The following NFIB variants were observed in gnomAD, a reference collection of about 807,000 sequenced individuals.
The protein encoded by NFIB is nuclear factor I B, also known as nuclear factor 1 B-type.
NFIB carries 11 observed loss-of-function variants against 61.5 expected under a neutral mutation model. That is an observed-to-expected ratio of 0.18 (90% CI 0.11 to 0.30). The LOEUF is 0.30. Among genes scored for constraint, NFIB ranks in the 10% least tolerant of loss-of-function variants. NFIB has a pLI of 1.00. For missense variants in NFIB, 471 were observed against 608.9 expected (o/e 0.77, Z 2.38); for synonymous variants, 260 against 216.5 (o/e 1.20, Z -1.76).
chr9:14,420,964 GT>G, the NFIB span, among the ~76,000 whole-genome samples: 1 of 144,390 alleles, frequency 6.9e-6, no homozygotes, highest in East Asian at 2.0e-4. Context: ...TTTTTTTTTC[GT>G]TTTTAAACTT....
intron 2 of NFIB, among the ~76,000 whole-genome samples, chr9:14,259,806 G>A (rs1376876926): frequency 1.3e-5 from 2 of 152,176 alleles, no homozygotes; most frequent in Non-Finnish European, 2.9e-5. Context: ...TCAGGAGGCT[G>A]AGGCACGAGA....
chr9:14,356,815 G>C (rs568119980), intron 1 of NFIB, among the ~76,000 whole-genome samples: 1 of 152,170 alleles, frequency 6.6e-6, no homozygotes, highest in African/African-American at 2.4e-5. Flanking sequence ...TTCTAATTTG[G>C]AAGGGAAACT....
At chr9:14,275,534 T>G (rs1038393691) in intron 2 of NFIB, among the ~76,000 whole-genome samples, 2 of 152,142 alleles carry the variant, frequency 1.3e-5, no homozygotes, top group Admixed American at 6.5e-5. Flanking sequence ...AGTCATCCCA[T>G]TCACAAGCAG....
intron 1 of NFIB, among the ~76,000 whole-genome samples, chr9:14,385,770 A>G (rs2133015179): frequency 6.6e-6 from 1 of 151,442 alleles, no homozygotes; most frequent in South Asian, 2.1e-4. Context: ...ATGGGATCAG[A>G]GACACAGTGG....
intron 2 of NFIB, among the ~76,000 whole-genome samples, chr9:14,213,099 G>A (rs16923134): frequency 0.15 from 22,818 of 152,048 alleles, 2,080 homozygotes; most frequent in South Asian, 0.33. Context: ...TTTTGTAAGC[G>A]CTGTTTCTGA....
At chr9:14,492,538 G>C in the NFIB span, among the ~76,000 whole-genome samples, 2 of 151,998 alleles carry the variant, frequency 1.3e-5, no homozygotes, top group East Asian at 3.9e-4. Context: ...AAGGCAAAGG[G>C]GAAGCAGCAC....
At chr9:14,132,860 C>T (rs1024635704) in intron 6 of NFIB, among the ~76,000 whole-genome samples, 12 of 152,172 alleles carry the variant, frequency 7.9e-5, no homozygotes, top group South Asian at 4.1e-4. Flanking sequence ...TCATTGCATA[C>T]GGTCTTCTTT....
intron 2 of NFIB, among the ~76,000 whole-genome samples, chr9:14,238,188 G>A (rs528998399): frequency 1.3e-5 from 2 of 152,084 alleles, no homozygotes; most frequent in South Asian, 2.1e-4. Flanking sequence ...ACGGTTCCCA[G>A]CAGAAAGGAC....
upstream of NFIB, among the ~76,000 whole-genome samples, chr9:14,403,301 T>C (rs2061760051): frequency 6.6e-6 from 1 of 152,214 alleles, no homozygotes; most frequent in South Asian, 2.1e-4. Flanking sequence ...CGATAGGTTT[T>C]TGCAGGCAGC....
Position 14,260,139 on chromosome 9 carries a change from G to C in NFIB, c.562+46850C>G, listed in dbSNP as rs41536344. Among the ~76,000 whole-genome samples, 680 of 152,290 alleles carry C rather than the reference G, an allele frequency of 4.5e-3. 3 individuals are homozygous for C. Among genetic ancestry groups the C allele is most frequent in the African/African-American group, 0.016 (653 of 41,554 alleles). On this transcript the variant is annotated intron_variant, in intron 2 of 10. Coordinates refer to ENST00000380953, the MANE Select transcript of NFIB (RefSeq NM_001190737.2). ...CACTGGGGTGAGAACACGTAGAGAAGAGTCCAAGTGCACTGAGAAAAGTGA... is the reference window on the plus strand; with the variant it reads ...CACTGGGGTGAGAACACGTAGAGAACAGTCCAAGTGCACTGAGAAAAGTGA...
In NFIB at chr9:14,155,870, T is replaced by C; in HGVS notation, c.640A>G (p.Lys214Glu). The change falls in exon 4 of 11, where the codon AAA becomes GAA. Residue 214 changes from lysine to glutamate, a missense_variant. Lys to Glu is a moderately conservative substitution (Grantham distance 56). Around this residue, in one of 2 missense-constraint regions of NFIB, gnomAD observed 372 missense variants for 395.6 expected, o/e 0.94. Transcript: ENST00000380953. Reference sequence around the variant, plus strand: ...TCTGATACATTGAAGACTCCAGATTTTACAAAACTATCCTCAAGGTAACCT... The same window carrying C: ...TCTGATACATTGAAGACTCCAGATTCTACAAAACTATCCTCAAGGTAACCT... The part of the protein sequence containing the change: ...PPGYLEDSFV[K>E]SGVFNVSELV... The C allele has an allele frequency of 6.3e-7, 1 of 1,586,812 alleles. No homozygotes were observed. Among genetic ancestry groups the C allele is most frequent in the Non-Finnish European group, 8.6e-7 (1 of 1,164,982 alleles).
intron 2 of NFIB, among the ~76,000 whole-genome samples, chr9:14,248,520 C>T (rs1432053346): frequency 6.6e-6 from 1 of 152,178 alleles, no homozygotes; most frequent in Non-Finnish European, 1.5e-5. Flanking sequence ...GTCCTCCTGC[C>T]TTAGCCTCCC....
upstream of NFIB, among the ~76,000 whole-genome samples, chr9:14,402,300 A>G (rs1244536390): frequency 2.0e-5 from 3 of 152,218 alleles, no homozygotes; most frequent in Non-Finnish European, 4.4e-5. Flanking sequence ...TTTAAGGAGA[A>G]AATTATTAGC....
At chr9:14,440,695 G>T in the NFIB span, among the ~76,000 whole-genome samples, 2 of 152,194 alleles carry the variant, frequency 1.3e-5, no homozygotes, top group African/African-American at 2.4e-5. Flanking sequence ...AGTCACTTGA[G>T]AGTGAGAGAG....
the NFIB span, among the ~76,000 whole-genome samples, chr9:14,476,777 T>A: frequency 2.5e-3 from 379 of 152,288 alleles, 4 homozygotes; most frequent in African/African-American, 8.2e-3. Context: ...GTGAGATAGG[T>A]GCCCACAATC....
the NFIB span, among the ~76,000 whole-genome samples, chr9:14,501,711 G>A: frequency 4.6e-5 from 7 of 152,146 alleles, no homozygotes; most frequent in East Asian, 3.9e-4. Context: ...TCTGTGCCTC[G>A]AAGCCCATTT....
intron 2 of NFIB, among the ~76,000 whole-genome samples, chr9:14,266,582 A>C (rs770597721): frequency 3.1e-4 from 47 of 151,250 alleles, no homozygotes; most frequent in Admixed American, 7.3e-4. Context: ...ACAATAGAGC[A>C]AGACCTTGTC....
the NFIB span, among the ~76,000 whole-genome samples, chr9:14,445,325 T>C: frequency 6.6e-6 from 1 of 151,972 alleles, no homozygotes; most frequent in Non-Finnish European, 1.5e-5. Flanking sequence ...GAATCTACAG[T>C]ACAAGTTTGA....
At chr9:14,445,185 G>T in the NFIB span, among the ~76,000 whole-genome samples, 6 of 152,096 alleles carry the variant, frequency 3.9e-5, no homozygotes, top group African/African-American at 1.4e-4. Context: ...TGGCAAACTT[G>T]CCAAACTCTT....
Sources: gnomAD v4.1 joint callset for allele counts (sites outside exome capture counted in the v4.1 genomes callset) on GRCh38, gnomAD v4.1.1 for gene constraint, gnomAD v4.1.1 regional missense constraint, MANE v1.5 for transcripts, NCBI Gene and HGNC (gene_info 2026-07-23, HGNC 2026-07-21) for gene names.